NEDD9: variants seen among roughly 807,000 people sequenced by gnomAD.
The protein encoded by NEDD9 is neural precursor cell expressed, developmentally down-regulated 9, also known as enhancer of filamentation 1.
Under a neutral mutation model 76.6 loss-of-function variants are expected in NEDD9, and 26 were observed. That is an observed-to-expected ratio of 0.34 (90% CI 0.25 to 0.47). NEDD9 has a LOEUF of 0.47. Among genes scored for constraint, NEDD9 ranks in the 20% least tolerant of loss-of-function variants. NEDD9 has a pLI of 1.00. For synonymous variants in NEDD9, 392 were observed against 414.2 expected (o/e 0.95, Z 0.65); for missense variants, 937 against 1,058.5 (o/e 0.89, Z 1.59).
chr6:11,294,317 G>A (rs1009471050), intron 3 of NEDD9, among the ~76,000 whole-genome samples: 1 of 152,186 alleles, frequency 6.6e-6, no homozygotes, highest in Non-Finnish European at 1.5e-5. Flanking sequence ...CAAATCTCAT[G>A]TTGAATTGTG....
intron 1 of NEDD9, among the ~76,000 whole-genome samples, chr6:11,227,161 G>C (rs1346557574): frequency 6.6e-6 from 1 of 152,172 alleles, no homozygotes; most frequent in African/African-American, 2.4e-5. Context: ...GTCATATGCT[G>C]TTAGGGCCCT....
intron 3 of NEDD9, among the ~76,000 whole-genome samples, chr6:11,259,582 A>G (rs943258361): frequency 2.6e-5 from 4 of 152,224 alleles, no homozygotes; most frequent in Admixed American, 6.5e-5. Flanking sequence ...GACTGCTTAT[A>G]CAGTGGAATT....
At chr6:11,256,027 T>G (rs1309776239) in intron 3 of NEDD9, among the ~76,000 whole-genome samples, 1 of 152,136 alleles carries the variant, frequency 6.6e-6, no homozygotes, top group Non-Finnish European at 1.5e-5. Flanking sequence ...CCACAGAGCA[T>G]CTGGGTCTTG....
At chr6:11,254,504 T>G (rs1305293655) in intron 3 of NEDD9, among the ~76,000 whole-genome samples, 1 of 152,230 alleles carries the variant, frequency 6.6e-6, no homozygotes, top group Non-Finnish European at 1.5e-5. Flanking sequence ...CAATAATTTT[T>G]GGGGAACAGG....
intron 3 of NEDD9, chr6:11,271,909 C>T (rs1261601237): frequency 1.3e-5 from 2 of 152,202 alleles, no homozygotes; most frequent in Non-Finnish European, 2.9e-5. Context: ...ATTTGGGCCC[C>T]TGCTATGTAA....
intron 1 of NEDD9, among the ~76,000 whole-genome samples, chr6:11,365,074 A>G (rs759860971): frequency 6.6e-6 from 1 of 152,148 alleles, no homozygotes; most frequent in Non-Finnish European, 1.5e-5. Context: ...TCTTCTCATG[A>G]TGGCGACTAT....
At chr6:11,316,278 T>C (rs546032562) in intron 2 of NEDD9, among the ~76,000 whole-genome samples, 2 of 152,316 alleles carry the variant, frequency 1.3e-5, no homozygotes, top group African/African-American at 4.8e-5. Context: ...TCACTTGCTG[T>C]TTGCTTTGAG....
intron 3 of NEDD9, among the ~76,000 whole-genome samples, chr6:11,274,472 G>A (rs1206193781): frequency 6.6e-6 from 1 of 152,160 alleles, no homozygotes; most frequent in Non-Finnish European, 1.5e-5. Flanking sequence ...AGCACCCCTA[G>A]GTCTATCCTT....
At chr6:11,359,976 T>C (rs146712394) in intron 1 of NEDD9, among the ~76,000 whole-genome samples, 31 of 152,348 alleles carry the variant, frequency 2.0e-4, no homozygotes, top group Middle Eastern at 6.8e-3. Flanking sequence ...TTTCTGCCTA[T>C]ATCATGAAAG....
At position 11,315,129 on chromosome 6, in the gene NEDD9, A is replaced by G. The variant is rs138533372; in HGVS notation, c.-152-8974T>C. On this transcript the variant is annotated intron_variant, in intron 2 of 3. Transcript: ENST00000397378. ...CTTCCTGGGCTGCTAACAGTATCTG[A>G]AGCAGAGGTCTGTAGAAACTACAGA... is the stretch of plus-strand genomic sequence containing the variant. Among the ~76,000 whole-genome samples, 213 of 152,306 alleles carry G rather than the reference A, an allele frequency of 1.4e-3. 1 individual carries two copies. The highest frequency in any genetic ancestry group is 4.7e-3 in the African/African-American group (194 of 41,566).
At chr6:11,230,496 CAATT>C (rs1241336778) in intron 1 of NEDD9, among the ~76,000 whole-genome samples, 1 of 152,208 alleles carries the variant, frequency 6.6e-6, no homozygotes, top group Non-Finnish European at 1.5e-5. Flanking sequence ...CAGTAAGTCT[CAATT>C]AATGTTACTT....
At chr6:11,313,744 C>T (rs972443708) in intron 2 of NEDD9, among the ~76,000 whole-genome samples, 1 of 152,140 alleles carries the variant, frequency 6.6e-6, no homozygotes, top group South Asian at 2.1e-4. Context: ...TCCTCATTTG[C>T]GACGGGAAGA....
chr6:11,201,925 A>C (rs1758467182), intron 2 of NEDD9, among the ~76,000 whole-genome samples: 1 of 152,148 alleles, frequency 6.6e-6, no homozygotes, highest in Non-Finnish European at 1.5e-5. Flanking sequence ...TTGATTATTG[A>C]CCAGTGGAGT....
chr6:11,237,005 C>A (rs1386484961), upstream of NEDD9, among the ~76,000 whole-genome samples: 1 of 152,124 alleles, frequency 6.6e-6, no homozygotes, highest in Non-Finnish European at 1.5e-5. The surrounding 1 kb of genome is among the most constrained non-coding windows in gnomAD (Gnocchi z 4.9). Flanking sequence ...TCCTGACTTG[C>A]ACAGGCAGGC....
At chr6:11,195,925 C>T (rs1009127778) in intron 2 of NEDD9, among the ~76,000 whole-genome samples, 5 of 151,696 alleles carry the variant, frequency 3.3e-5, no homozygotes, top group African/African-American at 7.3e-5. Flanking sequence ...ATTCGAGAGG[C>T]GGAGGTTGCA....
intron 1 of NEDD9, among the ~76,000 whole-genome samples, chr6:11,229,813 G>C (rs1019001659): frequency 2.6e-5 from 4 of 152,174 alleles, no homozygotes; most frequent in Admixed American, 1.3e-4. Context: ...ATGTCTGTCC[G>C]GAGTAATAGC....
intron 1 of NEDD9, among the ~76,000 whole-genome samples, chr6:11,357,283 C>T (rs578035935): frequency 8.1e-4 from 123 of 152,286 alleles, no homozygotes; most frequent in Non-Finnish European, 1.1e-3. Flanking sequence ...CCAACCCCTG[C>T]GCAGGCCCTG....
intron 1 of NEDD9, among the ~76,000 whole-genome samples, chr6:11,344,728 G>A (rs1762333693): frequency 1.3e-5 from 2 of 152,172 alleles, no homozygotes; most frequent in African/African-American, 4.8e-5. Flanking sequence ...TCCATCATGA[G>A]CATCAGCCTC....
At chr6:11,221,032 G>A (rs1759125867) in intron 1 of NEDD9, among the ~76,000 whole-genome samples, 1 of 152,182 alleles carries the variant, frequency 6.6e-6, no homozygotes, top group African/African-American at 2.4e-5. Flanking sequence ...TGACTGCTGA[G>A]TTCTTTTTCA....
Sources: allele counts gnomAD v4.1 joint callset (sites outside exome capture counted in the v4.1 genomes callset), GRCh38; gene constraint gnomAD v4.1.1; non-coding constraint Gnocchi (gnomAD v3.1); transcripts MANE v1.5; gene names NCBI Gene and HGNC (gene_info 2026-07-23, HGNC 2026-07-21).